FRMD4A: variants seen among roughly 807,000 people sequenced by gnomAD.
FRMD4A encodes the protein FERM domain-containing protein 4A.
Under a neutral mutation model 129.1 loss-of-function variants are expected in FRMD4A, and 29 were observed. The ratio of observed to expected loss-of-function variants is 0.22; its 90% CI spans 0.17 to 0.31. The LOEUF (loss-of-function observed/expected upper bound fraction) is 0.31, where lower values mean the gene tolerates loss of function less well. Ranked by LOEUF, FRMD4A falls within the 10% of genes least tolerant of loss-of-function variation. The pLI is 1.00. For synonymous variants in FRMD4A, 634 were observed against 571.6 expected (o/e 1.11, Z -1.56); for missense variants, 1,272 against 1,375.8 (o/e 0.92, Z 1.19).
At chr10:14,283,270 T>C (rs760607450) in intron 2 of FRMD4A, among the ~76,000 whole-genome samples, 3 of 152,336 alleles carry the variant, frequency 2.0e-5, no homozygotes, top group African/African-American at 4.8e-5. Context: ...ATTTCCAGGG[T>C]TAAAATGGTT....
chr10:13,827,704 GA>G (rs1271231063), intron 3 of FRMD4A, among the ~76,000 whole-genome samples: 1 of 152,222 alleles, frequency 6.6e-6, no homozygotes, highest in Non-Finnish European at 1.5e-5. Context: ...GGATCTGAGA[GA>G]GGGGTTCGGA....
intron 2 of FRMD4A, among the ~76,000 whole-genome samples, chr10:13,920,281 CTGACTCAATGCTA>C (rs2095057012): frequency 6.6e-6 from 1 of 152,218 alleles, no homozygotes; most frequent in Non-Finnish European, 1.5e-5. Context: ...TTTGGAGCTA[CTGACTCAATGCTA>C]TCCTCCCCAA....
chr10:13,712,451 T>G (rs1011170954), intron 12 of FRMD4A, among the ~76,000 whole-genome samples: 8 of 151,524 alleles, frequency 5.3e-5, no homozygotes, highest in Admixed American at 5.3e-4. Context: ...GAGACGGAGG[T>G]TGCAGTGAGC....
At chr10:13,981,132 G>A (rs1302229473) in intron 2 of FRMD4A, among the ~76,000 whole-genome samples, 1 of 152,290 alleles carries the variant, frequency 6.6e-6, no homozygotes. Context: ...CCTACCTGTA[G>A]GTAGTGTGGT....
At chr10:14,303,295 G>A (rs1405989014) in intron 2 of FRMD4A, among the ~76,000 whole-genome samples, 1 of 152,130 alleles carries the variant, frequency 6.6e-6, no homozygotes, top group Non-Finnish European at 1.5e-5. Flanking sequence ...ATCACCAGGG[G>A]TCCTTGCTGA....
chr10:14,124,870 T>C (rs1413922781), intron 2 of FRMD4A, among the ~76,000 whole-genome samples: 4 of 152,154 alleles, frequency 2.6e-5, no homozygotes, highest in African/African-American at 9.7e-5. Flanking sequence ...GTGTGTGTAA[T>C]TTTTCACCTC....
Position 14,113,319 on chromosome 10 carries a change from G to A in FRMD4A, c.45+216739C>T, listed in dbSNP as rs190756868. On this transcript the variant is annotated intron_variant, in intron 2 of 24. Transcript: ENST00000357447. ...CCTCTTCCTCCTCAGCCCACCCAAC[G>A]TGAAGATGAGTAGGATAAAGGCCTT... is the stretch of plus-strand genomic sequence containing the variant. 5.2e-4 allele frequency among the ~76,000 whole-genome samples: 79 copies of A among 152,180 alleles called. 2 individuals are homozygous for A. The highest frequency in any genetic ancestry group is 2.1e-4 in the Non-Finnish European group (14 of 68,014).
intron 2 of FRMD4A, among the ~76,000 whole-genome samples, chr10:13,867,381 C>T (rs2094380719): frequency 6.6e-6 from 1 of 151,694 alleles, no homozygotes; most frequent in Non-Finnish European, 1.5e-5. Context: ...CCACCTCAGC[C>T]TCCCAAGTAG....
intron 2 of FRMD4A, among the ~76,000 whole-genome samples, chr10:14,217,826 C>A (rs1229302064): frequency 6.6e-6 from 1 of 151,952 alleles, no homozygotes; most frequent in Non-Finnish European, 1.5e-5. Context: ...TTTTTACTCT[C>A]TCTCTCTTTT....
chr10:13,897,026 T>C (rs1172170772), intron 2 of FRMD4A, among the ~76,000 whole-genome samples: 1 of 152,210 alleles, frequency 6.6e-6, no homozygotes, highest in Non-Finnish European at 1.5e-5. Flanking sequence ...AAATTTTTAT[T>C]ATGCCCCATT....
At chr10:14,326,702 A>G (rs1173639794) in intron 2 of FRMD4A, 2 of 396,900 alleles carry the variant, frequency 5.0e-6, no homozygotes, top group Non-Finnish European at 8.9e-6. Context: ...CTAAAGATAA[A>G]CTAATCCTCG....
intron 21 of FRMD4A, 108 bp from the exon 22 acceptor site, chr10:13,657,630 C>G: frequency 1.4e-6 from 2 of 1,411,188 alleles, no homozygotes; most frequent in Non-Finnish European, 1.9e-6. Flanking sequence ...TGCACGCGGG[C>G]GCAGGCCCCA....
intron 2 of FRMD4A, among the ~76,000 whole-genome samples, chr10:13,900,649 G>A (rs1260916586): frequency 6.6e-6 from 1 of 152,206 alleles, no homozygotes; most frequent in Admixed American, 6.5e-5. Flanking sequence ...GTAATCCCGG[G>A]ACTTTGGGAG....
chr10:13,889,528 C>T (rs996455181), intron 2 of FRMD4A, among the ~76,000 whole-genome samples: 3 of 152,192 alleles, frequency 2.0e-5, no homozygotes, highest in Non-Finnish European at 4.4e-5. Context: ...ATGCTAATGG[C>T]ACCAGCCACC....
At chr10:13,657,787 G>GTTTTTTTTTTTTTTTTT (rs1204181870) in intron 21 of FRMD4A, among the ~76,000 whole-genome samples, 3 of 110,960 alleles carry the variant, frequency 2.7e-5, no homozygotes, top group African/African-American at 7.4e-5. Context: ...TCGATTTCTG[G>GTTTTTTTTTTTTTTTTT]GTTTTTTTTT....
At chr10:13,770,301 G>C (rs1411303650) in intron 6 of FRMD4A, among the ~76,000 whole-genome samples, 1 of 152,120 alleles carries the variant, frequency 6.6e-6, no homozygotes, top group Non-Finnish European at 1.5e-5. Context: ...GATCCACGAG[G>C]TGAATGCCAC....
chr10:14,129,944 C>G (rs1839152411), intron 2 of FRMD4A, among the ~76,000 whole-genome samples: 1 of 152,180 alleles, frequency 6.6e-6, no homozygotes, highest in Admixed American at 6.5e-5. Context: ...GTTCCATTCC[C>G]TCTTCCCTGT....
At chr10:13,873,284 A>G (rs1218203103) in intron 2 of FRMD4A, among the ~76,000 whole-genome samples, 1 of 151,854 alleles carries the variant, frequency 6.6e-6, no homozygotes, top group Non-Finnish European at 1.5e-5. Context: ...AAAAAAAAAG[A>G]TAAGTTTGAC....
intron 2 of FRMD4A, among the ~76,000 whole-genome samples, chr10:13,884,611 C>T (rs998378467): frequency 1.1e-4 from 16 of 152,150 alleles, no homozygotes; most frequent in Admixed American, 6.5e-5. Flanking sequence ...TCCTTCCCTT[C>T]CCCCCACCGA....
Sources: allele counts gnomAD v4.1 joint callset (sites outside exome capture counted in the v4.1 genomes callset), GRCh38; gene constraint gnomAD v4.1.1; transcripts MANE v1.5; gene names NCBI Gene and HGNC (gene_info 2026-07-23, HGNC 2026-07-21).